Variants in HTT observed in about 807,000 individuals in gnomAD.
HTT encodes the protein huntingtin.
A neutral mutation model predicts 362.3 loss-of-function variants in HTT; 104 were observed. That is an observed-to-expected ratio of 0.29 (90% CI 0.24 to 0.34). The LOEUF (loss-of-function observed/expected upper bound fraction) is 0.34, where lower values mean the gene tolerates loss of function less well. Ranked by LOEUF, HTT falls within the 10% of genes least tolerant of loss-of-function variation. HTT has a pLI of 1.00. For missense variants in HTT, 3,301 were observed against 3,928.6 expected (o/e 0.84, Z 4.27); for synonymous variants, 1,577 against 1,548.7 (o/e 1.02, Z -0.43).
rs11936683 is a variant in HTT, at chr4:3,146,764, C to T, written c.3144-33C>T. The T allele has an allele frequency of 6.1e-4, 981 of 1,602,708 alleles. 6 individuals are homozygous for T. The African/African-American group carries it at 0.011, about 18-fold the overall frequency. ...AGACTGTTGTTTGCTTAAAAATTGT[C>T]TATAATTTGACTTTGCAAATGTCTG... On this transcript the variant is annotated intron_variant, in intron 24 of 66. Coordinates refer to ENST00000355072, the MANE Select transcript of HTT (RefSeq NM_001388492.1).
chr4:3,165,605 C>G (rs1206414356), intron 29 of HTT, among the ~76,000 whole-genome samples: 1 of 152,038 alleles, frequency 6.6e-6, no homozygotes, highest in Non-Finnish European at 1.5e-5. Context: ...AGGCTTGGTT[C>G]ATTTCTTTTC....
At chr4:3,103,517 C>T (rs1050126779) in intron 3 of HTT, among the ~76,000 whole-genome samples, 1 of 152,040 alleles carries the variant, frequency 6.6e-6, no homozygotes, top group Non-Finnish European at 1.5e-5. Context: ...TGAGCCACCC[C>T]ACCTGGCCAG....
chr4:3,127,542 A>C lies in HTT; in HGVS notation c.1681A>C (p.Ser561Arg). ...CCAGGCCTCGTCGCCCATCAGCGAC[A>C]GCTCCCAGACCACCACCGAAGGGCC... is the stretch of plus-strand genomic sequence containing the variant. ...GTQASSPISDSSQTTTEGPDS... is the reference protein window; with the variant it reads ...GTQASSPISDRSQTTTEGPDS... Residue 561 changes from serine to arginine, a missense_variant, in exon 12 of 67, where the codon AGC (serine) becomes CGC (arginine). Around this residue, in one of 4 missense-constraint regions of HTT, gnomAD observed 2,316 missense variants for 2,658.5 expected, o/e 0.87. Coordinates refer to ENST00000355072, the MANE Select transcript of HTT (RefSeq NM_001388492.1). The C allele has an allele frequency of 6.2e-7, 1 of 1,614,170 alleles. No homozygotes were observed. The highest frequency in any genetic ancestry group is 8.5e-7 in the Non-Finnish European group (1 of 1,179,996).
At chr4:3,077,769 G>T (rs1434612381) in intron 1 of HTT, among the ~76,000 whole-genome samples, 1 of 151,972 alleles carries the variant, frequency 6.6e-6, no homozygotes, top group Non-Finnish European at 1.5e-5. Flanking sequence ...AACTGCATTA[G>T]GTTTATTTAT....
At chr4:3,237,597 G>C (rs930339194) in intron 64 of HTT, among the ~76,000 whole-genome samples, 2 of 152,224 alleles carry the variant, frequency 1.3e-5, no homozygotes, top group Middle Eastern at 6.8e-3. Context: ...GAGGCACCTC[G>C]CAGCTGACCA....
chr4:3,212,553 T>A lies in HTT; in HGVS notation c.6629-11T>A, dbSNP rs1720212235. 6.2e-7 allele frequency: 1 copy of A among 1,612,516 alleles called. No individual in the cohort carries two copies. The highest frequency in any genetic ancestry group is 1.7e-5 in the Admixed American group (1 of 59,928). On this transcript the variant is annotated splice_polypyrimidine_tract_variant and intron_variant, in intron 48 of 66. Coordinates refer to ENST00000355072, the MANE Select transcript of HTT (RefSeq NM_001388492.1). ...ACGTTTGCACCCACCCACGAGGTCC[T>A]TCTGTTTCAGGGGATGCTGCACTGT...
At chr4:3,211,327 CT>C (rs1328316874) in intron 47 of HTT, among the ~76,000 whole-genome samples, 1 of 152,172 alleles carries the variant, frequency 6.6e-6, no homozygotes, top group Admixed American at 6.5e-5. Context: ...TGTAAAAGTT[CT>C]GACTGTAAAA....
chr4:3,226,966 A>G (rs1720951347), intron 57 of HTT, among the ~76,000 whole-genome samples: 1 of 152,244 alleles, frequency 6.6e-6, no homozygotes, highest in Non-Finnish European at 1.5e-5. Context: ...AAGATAAGTG[A>G]AAATGACCAA....
chr4:3,208,653 A>G, intron 45 of HTT, 120 bp from the exon 46 acceptor site: 2 of 919,180 alleles, frequency 2.2e-6, no homozygotes, highest in Admixed American at 3.3e-5. Context: ...TTAAGAAGCC[A>G]CTAATAGTGC....
chr4:3,153,382 G>C (rs1220422659), intron 26 of HTT, among the ~76,000 whole-genome samples: 1 of 152,192 alleles, frequency 6.6e-6, no homozygotes, highest in Non-Finnish European at 1.5e-5. Context: ...TGAGTAAGTA[G>C]CAGAGCTAGG....
At chr4:3,207,210 T>C in intron 44 of HTT, 71 bp from the exon 45 acceptor site, 1 of 1,384,860 alleles carries the variant, frequency 7.2e-7, no homozygotes, top group Non-Finnish European at 1.0e-6. Flanking sequence ...AGTTCATCCT[T>C]TTTAAATGAG....
intron 6 of HTT, among the ~76,000 whole-genome samples, chr4:3,112,583 G>A (rs1319395270): frequency 1.3e-5 from 2 of 152,200 alleles, no homozygotes; most frequent in South Asian, 2.1e-4. Flanking sequence ...ATTATCGTGT[G>A]TATTAGTATT....
intron 1 of HTT, among the ~76,000 whole-genome samples, chr4:3,085,572 C>A (rs1338509647): frequency 6.6e-6 from 1 of 152,200 alleles, no homozygotes; most frequent in Non-Finnish European, 1.5e-5. Flanking sequence ...ACCATACTTA[C>A]TTTTCATGTA....
intron 9 of HTT, 151 bp downstream of exon 9, chr4:3,121,583 T>G (rs1715298032): frequency 1.7e-6 from 1 of 601,046 alleles, no homozygotes; most frequent in Non-Finnish European, 2.9e-6. Flanking sequence ...ATTTTATAAA[T>G]AGGGGAGTTG....
At chr4:3,175,774 C>T (rs762089957) in intron 33 of HTT, among the ~76,000 whole-genome samples, 1 of 152,148 alleles carries the variant, frequency 6.6e-6, no homozygotes, top group Non-Finnish European at 1.5e-5. Flanking sequence ...GCCTTTTCAT[C>T]GTCAAAATTT....
At chr4:3,137,175 G>C (rs2110194508) in intron 21 of HTT, among the ~76,000 whole-genome samples, 1 of 152,018 alleles carries the variant, frequency 6.6e-6, no homozygotes, top group Non-Finnish European at 1.5e-5. Context: ...CAAAGTGCTG[G>C]GATTACAGGC....
At chr4:3,125,700 G>C (rs567897957) in intron 11 of HTT, 71 bp downstream of exon 11, 1 of 1,129,316 alleles carries the variant, frequency 8.9e-7, no homozygotes, top group East Asian at 2.4e-5. Flanking sequence ...CTTCCTGCTC[G>C]TCCCCCTGCA....
At chr4:3,149,804 C>T (rs1282304808) in intron 26 of HTT, among the ~76,000 whole-genome samples, 2 of 152,190 alleles carry the variant, frequency 1.3e-5, no homozygotes, top group African/African-American at 4.8e-5. Flanking sequence ...ACCTTGTTTG[C>T]AAGGCTTCTT....
In HTT at chr4:3,228,957, C is replaced by T; in HGVS notation, c.8057C>T (p.Ser2686Phe). The change falls in exon 59 of 67, where the codon TCC becomes TTC. Residue 2686 changes from serine to phenylalanine, a missense_variant. Ser to Phe is a radical substitution (Grantham distance 155). Transcript: ENST00000355072. This position sits in a 1 kb window ranked among gnomAD's most constrained non-coding sequence, Gnocchi z 4.3. ...LELYSRWILP[S>F]SSARRTPAIL... ...TTGTACAGCCGCTGGATCCTGCCGT[C>T]CAGCTCAGCCAGGAGGACCCCGGCC... 1 of 1,613,798 alleles carries T rather than the reference C, an allele frequency of 6.2e-7. No homozygotes were observed. The highest frequency in any genetic ancestry group is 8.5e-7 in the Non-Finnish European group (1 of 1,179,818).
Sources: allele counts gnomAD v4.1 joint callset (sites outside exome capture counted in the v4.1 genomes callset), GRCh38; gene constraint gnomAD v4.1.1; regional missense constraint gnomAD v4.1.1; non-coding constraint Gnocchi (gnomAD v3.1); transcripts MANE v1.5; gene names NCBI Gene and HGNC (gene_info 2026-07-23, HGNC 2026-07-21).